The following TMEM33 variants were observed in gnomAD, a reference collection of about 807,000 sequenced individuals.
TMEM33 encodes the protein transmembrane protein 33.
A neutral mutation model predicts 29.7 loss-of-function variants in TMEM33; 16 were observed. That is an observed-to-expected ratio of 0.54 (90% CI 0.36 to 0.82). The LOEUF (loss-of-function observed/expected upper bound fraction) is 0.82, where lower values mean the gene tolerates loss of function less well. Among genes scored for constraint, TMEM33 ranks in the 40% least tolerant of loss-of-function variants. TMEM33 has a pLI of 0.00. For missense variants in TMEM33, 252 were observed against 295.3 expected (o/e 0.85, Z 1.08); for synonymous variants, 112 against 109.4 (o/e 1.02, Z -0.15).
At chr4:41,936,564 AAACAT>A (rs1712244888) in intron 1 of TMEM33, among the ~76,000 whole-genome samples, 2 of 152,200 alleles carry the variant, frequency 1.3e-5, no homozygotes, top group South Asian at 4.1e-4. Flanking sequence ...ACAAACAAAC[AAACAT>A]AAATTAGCCG....
At chr4:41,938,743 AG>A in intron 2 of TMEM33, 47 bp downstream of exon 2, 1 of 1,576,394 alleles carries the variant, frequency 6.3e-7, no homozygotes, top group Non-Finnish European at 8.7e-7. Context: ...TTGTTGAGTC[AG>A]TTTATATGGA....
intron 1 of TMEM33, 135 bp downstream of exon 1, chr4:41,935,664 G>A (rs1712193562): frequency 1.1e-6 from 1 of 906,500 alleles, no homozygotes; most frequent in African/African-American, 1.7e-5. Flanking sequence ...GGGGAAGTTG[G>A]AGCGGGGAGA....
Position 41,935,505 on chromosome 4 carries a change from C to T in TMEM33, c.21C>T (p.Asn7=), listed in dbSNP as rs147689209. The part of the protein sequence containing the change: MADTTP[N]GPQGAGAVQF... Reference sequence around the variant, plus strand: ...CCCCCATGGCAGATACGACCCCGAACGGCCCCCAAGGGGCGGGCGCTGTGG... The same window carrying T: ...CCCCCATGGCAGATACGACCCCGAATGGCCCCCAAGGGGCGGGCGCTGTGG... The change falls in exon 1 of 7, where the codon AAC becomes AAT. Residue 7 remains asparagine (N), a synonymous_variant. Coordinates refer to ENST00000504986, the MANE Select transcript of TMEM33 (RefSeq NM_018126.3). The T allele has an allele frequency of 1.2e-6, 2 of 1,609,938 alleles. No homozygotes were observed. Among genetic ancestry groups the T allele is most frequent in the Admixed American group, 1.7e-5 (1 of 59,272 alleles).
At chr4:41,943,478 T>A (rs561837729) in intron 3 of TMEM33, among the ~76,000 whole-genome samples, 1 of 152,042 alleles carries the variant, frequency 6.6e-6, no homozygotes, top group African/African-American at 2.4e-5. Flanking sequence ...TGAGCCAAGA[T>A]TACGCCATTG....
chr4:41,943,047 T>G (rs1320027964), intron 3 of TMEM33, among the ~76,000 whole-genome samples: 1 of 152,206 alleles, frequency 6.6e-6, no homozygotes, highest in African/African-American at 2.4e-5. Flanking sequence ...GTGAAAGCAC[T>G]GTAAAACTAC....
chr4:41,950,553 A>G (rs564071191), intron 6 of TMEM33, among the ~76,000 whole-genome samples: 2 of 152,236 alleles, frequency 1.3e-5, no homozygotes, highest in South Asian at 2.1e-4. Context: ...TCATTATTCT[A>G]TGATCTGATT....
chr4:41,951,868 C>T (rs1713052667), intron 6 of TMEM33, among the ~76,000 whole-genome samples: 1 of 152,032 alleles, frequency 6.6e-6, no homozygotes, highest in Non-Finnish European at 1.5e-5. Context: ...TCTGTGTCCA[C>T]AAAGGTAGAT....
In TMEM33 at chr4:41,954,013, A is replaced by G. The variant is rs556413227; in HGVS notation, c.615-57A>G. ...TCTATGGAGTACAATAAAATGAGGT[A>G]AGCCTGTGTATTGCTTTTTCCTTGT... On this transcript the variant is annotated intron_variant, in intron 6 of 6. Transcript: ENST00000504986. 59 of 1,596,072 alleles carry G rather than the reference A, an allele frequency of 3.7e-5. No individual in the cohort carries two copies. In the East Asian group the frequency reaches 1.3e-3, roughly 35 times the overall value.
chr4:41,935,587 A>C, intron 1 of TMEM33, 58 bp downstream of exon 1: 2 of 1,541,238 alleles, frequency 1.3e-6, no homozygotes, highest in Non-Finnish European at 1.8e-6. Context: ...AGAAGCAGGA[A>C]GCGTTGCGAG....
At position 41,957,600 on chromosome 4, in the gene TMEM33, T is replaced by TG. The variant is rs1242666822; in HGVS notation, c.*3401_*3402insG. 2.0e-5 allele frequency: 3 copies of TG among 151,910 alleles called. No individual in the cohort carries two copies. The highest frequency in any genetic ancestry group is 7.3e-5 in the African/African-American group (3 of 41,334). The allele number at this position is 151,910 out of a possible 1,614,324, so 9.4% of individuals were successfully genotyped here. The stretch of plus-strand genomic sequence containing the variant: ...ACAAGTAGAACTGAGAGATTTAGTT[T>TG]TTTTTTTTTTTAAGTTTTAGTTCAG... On this transcript the variant is annotated 3_prime_UTR_variant, in exon 7 of 7. Coordinates refer to ENST00000504986, the MANE Select transcript of TMEM33 (RefSeq NM_018126.3).
At chr4:41,938,202 CTT>C (rs1461561885) in intron 1 of TMEM33, among the ~76,000 whole-genome samples, 1 of 152,166 alleles carries the variant, frequency 6.6e-6, no homozygotes, top group Non-Finnish European at 1.5e-5. Flanking sequence ...ATATGGATCT[CTT>C]GAGAGCAATT....
chr4:41,935,660 G>A (rs1444237115), intron 1 of TMEM33, 131 bp downstream of exon 1: 19 of 948,706 alleles, frequency 2.0e-5, no homozygotes, highest in African/African-American at 3.3e-5. Flanking sequence ...GGGTGGGGAA[G>A]TTGGAGCGGG....
At chr4:41,935,282 G>A (rs1383420028), upstream of TMEM33, 5 of 636,278 alleles carry the variant, frequency 7.9e-6, no homozygotes, top group Admixed American at 1.0e-4. Context: ...GGCTGCTGCG[G>A]GTGCCCTGGA....
chr4:41,939,058 C>A, intron 2 of TMEM33, 138 bp from the exon 3 acceptor site: 1 of 738,828 alleles, frequency 1.4e-6, no homozygotes, highest in Non-Finnish European at 2.1e-6. Context: ...GCTATTAAAA[C>A]GGTAGAATAA....
chr4:41,955,128 A>G lies in TMEM33; in HGVS notation c.*929A>G, dbSNP rs959716898. On this transcript the variant is annotated 3_prime_UTR_variant, in exon 7 of 7. Transcript: ENST00000504986. ...TGTAATGAAGATTCAGCATCTGACT[A>G]TATGTGTGTCTATCCTGAAATAATA... 2 of 152,640 alleles carry G rather than the reference A, an allele frequency of 1.3e-5. No individual in the cohort carries two copies. Among genetic ancestry groups the G allele is most frequent in the African/African-American group, 4.8e-5 (2 of 41,456 alleles). The allele number at this position is 152,640 out of a possible 1,614,324, so 9.5% of individuals were successfully genotyped here.
intron 6 of TMEM33, among the ~76,000 whole-genome samples, chr4:41,951,293 G>C (rs952679906): frequency 1.3e-5 from 2 of 152,138 alleles, no homozygotes; most frequent in Non-Finnish European, 2.9e-5. Context: ...GTACTCAAAA[G>C]CCATGTGTTG....
rs1438235249 is a variant in TMEM33 at position 41,955,735 on chromosome 4, T to C, written c.*1536T>C. The stretch of plus-strand genomic sequence containing the variant: ...TTTGTGTATGTGGCTAGTCTTATTG[T>C]CACTATGTAAGTAATCCAATGGTTT... On this transcript the variant is annotated 3_prime_UTR_variant, in exon 7 of 7. Transcript: ENST00000504986. 1 of 152,650 alleles carries C rather than the reference T, an allele frequency of 6.6e-6. No individual in the cohort carries two copies. Among genetic ancestry groups the C allele is most frequent in the East Asian group, 1.9e-4 (1 of 5,198 alleles). The allele number at this position is 152,650 out of a possible 1,614,324, so 9.5% of individuals were successfully genotyped here.
At chr4:41,950,709 C>CT (rs976426035) in intron 6 of TMEM33, among the ~76,000 whole-genome samples, 4 of 151,948 alleles carry the variant, frequency 2.6e-5, no homozygotes, top group African/African-American at 7.2e-5. Flanking sequence ...GAGTTTTAGC[C>CT]TTTTTTCTTT....
At chr4:41,948,310 A>G (rs146774020) in intron 5 of TMEM33, among the ~76,000 whole-genome samples, 280 of 152,280 alleles carry the variant, frequency 1.8e-3, no homozygotes, top group African/African-American at 6.5e-3. Context: ...GCTAACTTGG[A>G]TGATGGGAAA....
Sources: allele counts gnomAD v4.1 joint callset (sites outside exome capture counted in the v4.1 genomes callset), GRCh38; gene constraint gnomAD v4.1.1; transcripts MANE v1.5; gene names NCBI Gene and HGNC (gene_info 2026-07-23, HGNC 2026-07-21).